The following GCNT2 variants were observed in gnomAD, a reference collection of about 807,000 sequenced individuals.
GCNT2 encodes the protein glucosaminyl (N-acetyl) transferase 2 (I blood group), also known as N-acetyllactosaminide beta-1,6-N-acetylglucosaminyl-transferase.
GCNT2 carries 34 observed loss-of-function variants against 34.2 expected under a neutral mutation model. That is an observed-to-expected ratio of 1.00 (90% CI 0.76 to 1.32). GCNT2 has a LOEUF of 1.32. Ranked by LOEUF, GCNT2 falls within the 40% of genes most tolerant of loss-of-function variation. The pLI, the probability that GCNT2 is intolerant of heterozygous loss-of-function variation, is 0.00. For synonymous variants in GCNT2, 212 were observed against 188.0 expected, an observed-to-expected ratio of 1.13 and a Z score of -1.04; for missense variants, 584 against 489.4, an observed-to-expected ratio of 1.19 and a Z score of -1.82.
chr6:10,611,095 C>G (rs892331352), intron 3 of GCNT2, among the ~76,000 whole-genome samples: 1 of 151,998 alleles, frequency 6.6e-6, no homozygotes, highest in African/African-American at 2.4e-5. Flanking sequence ...TGTTAAAAAT[C>G]CTAAATAGGC....
In GCNT2 at chr6:10,561,173, C is replaced by CT. The variant is rs374368271; in HGVS notation, c.925+31346dup. Among the ~76,000 whole-genome samples, 989 of 151,422 alleles carry CT rather than the reference C, an allele frequency of 6.5e-3. 4 individuals are homozygous for CT. Among genetic ancestry groups the CT allele is most frequent in the African/African-American group, 0.02 (826 of 41,300 alleles). On this transcript the variant is annotated intron_variant, in intron 3 of 4. Coordinates refer to ENST00000495262, the MANE Select transcript of GCNT2 (RefSeq NM_145649.5). Reference sequence around the variant, plus strand: ...TCTTTCAGAATTTTCTTTTCTTTTTCTTTTTTTTTGAGACAGAGTTTCACT... The same window carrying CT: ...TCTTTCAGAATTTTCTTTTCTTTTTCTTTTTTTTTTGAGACAGAGTTTCACT...
intron 1 of GCNT2, among the ~76,000 whole-genome samples, chr6:10,522,665 C>T (rs1461957656): frequency 6.6e-6 from 1 of 152,132 alleles, no homozygotes; most frequent in Non-Finnish European, 1.5e-5. Flanking sequence ...TCTTAGTGAT[C>T]AGAAGCTTGA....
At chr6:10,586,834 G>C (rs1764373403) in intron 3 of GCNT2, 1 of 1,613,654 alleles carries the variant, frequency 6.2e-7, no homozygotes, top group East Asian at 2.2e-5. Context: ...CGTGACCAAA[G>C]GGCCATTGAT....
chr6:10,526,931 T>G (rs1270166160), intron 1 of GCNT2, among the ~76,000 whole-genome samples: 2 of 151,810 alleles, frequency 1.3e-5, no homozygotes, highest in Non-Finnish European at 2.9e-5. Context: ...GGCAACACAG[T>G]AAGACCCCCA....
chr6:10,552,847 T>G (rs1192230964), intron 3 of GCNT2, among the ~76,000 whole-genome samples: 1 of 152,180 alleles, frequency 6.6e-6, no homozygotes, highest in African/African-American at 2.4e-5. Context: ...CCTGAGTCAT[T>G]TGACTTCTTC....
At chr6:10,621,494 G>A in intron 4 of GCNT2, 51 bp downstream of exon 4, 4 of 1,158,966 alleles carry the variant, frequency 3.5e-6, no homozygotes, top group Non-Finnish European at 5.2e-6. Flanking sequence ...GTGTTAGCAG[G>A]AAGGTAGCTG....
chr6:10,557,227 AAG>A (rs1234891594), intron 3 of GCNT2: 4 of 1,593,492 alleles, frequency 2.5e-6, no homozygotes, highest in East Asian at 2.2e-5. Context: ...TGGCTCTATC[AAG>A]AGAGTTTGCC....
At chr6:10,534,586 A>G (rs1761674061) in intron 3 of GCNT2, among the ~76,000 whole-genome samples, 1 of 152,132 alleles carries the variant, frequency 6.6e-6, no homozygotes, top group Non-Finnish European at 1.5e-5. Context: ...ACGTCTTTGC[A>G]GGCAGCTGCC....
intron 3 of GCNT2, among the ~76,000 whole-genome samples, chr6:10,548,198 C>T (rs897429989): frequency 6.6e-6 from 1 of 152,198 alleles, no homozygotes; most frequent in Non-Finnish European, 1.5e-5. Context: ...GCACTCCATG[C>T]ACTCCAGCCT....
At chr6:10,557,228 A>G in intron 3 of GCNT2, 1 of 1,593,660 alleles carries the variant, frequency 6.3e-7, no homozygotes, top group East Asian at 2.2e-5. Context: ...GGCTCTATCA[A>G]GAGAGTTTGC....
In GCNT2 at chr6:10,629,168, T is replaced by C. The variant is rs1766385271; in HGVS notation, c.*2561T>C. The C allele has an allele frequency of 6.6e-6, 1 of 152,658 alleles. No individual in the cohort carries two copies. The highest frequency in any genetic ancestry group is 1.5e-5 in the Non-Finnish European group (1 of 68,038). The allele number at this position is 152,658 out of a possible 1,614,324, so 9.5% of individuals were successfully genotyped here. ...GTTTCTCATGTAGAACAAGAAATCT[T>C]TCTGGAATTGATGTTTACATGTCTG... On this transcript the variant is annotated 3_prime_UTR_variant, in exon 5 of 5. Coordinates refer to ENST00000495262, the MANE Select transcript of GCNT2 (RefSeq NM_145649.5).
chr6:10,557,490 G>T lies in GCNT2; in HGVS notation c.925+27654G>T, dbSNP rs879028182. 525 of 660,170 alleles carry T rather than the reference G, an allele frequency of 8.0e-4. 7 individuals are homozygous for T. In the South Asian group the frequency reaches 9.0e-3, roughly 11 times the overall value. 40.9% of individuals were successfully genotyped at this position (660,170 alleles called of 1,614,324 possible). The stretch of plus-strand genomic sequence containing the variant: ...TAGTCCTTTCTAAATGCAGAAAGAT[G>T]TTCTTTTTTTTTTTTGAGACTGGAT... On this transcript the variant is annotated intron_variant, in intron 3 of 4. Coordinates refer to ENST00000495262, the MANE Select transcript of GCNT2 (RefSeq NM_145649.5).
At chr6:10,559,689 C>T (rs765207931) in intron 3 of GCNT2, among the ~76,000 whole-genome samples, 8 of 152,230 alleles carry the variant, frequency 5.3e-5, no homozygotes, top group Non-Finnish European at 8.8e-5. Flanking sequence ...GAATTAGAGG[C>T]GAGAGCTCCT....
At chr6:10,612,319 C>G (rs546291121) in intron 3 of GCNT2, among the ~76,000 whole-genome samples, 2 of 152,102 alleles carry the variant, frequency 1.3e-5, no homozygotes, top group Non-Finnish European at 2.9e-5. Flanking sequence ...ATCAATCATT[C>G]TTAACCAGGG....
intron 3 of GCNT2, among the ~76,000 whole-genome samples, chr6:10,574,130 T>C (rs1040907909): frequency 2.6e-5 from 4 of 152,236 alleles, no homozygotes; most frequent in Non-Finnish European, 5.9e-5. Flanking sequence ...GTCTCCATTC[T>C]GTAGAAGAAG....
chr6:10,534,563 C>G (rs1163913840), intron 3 of GCNT2, among the ~76,000 whole-genome samples: 3 of 152,174 alleles, frequency 2.0e-5, no homozygotes, highest in Non-Finnish European at 4.4e-5. Context: ...CACCACCTCT[C>G]AGGCTGCGGC....
chr6:10,530,744 AAAAC>A (rs1761447734), intron 3 of GCNT2, among the ~76,000 whole-genome samples: 1 of 151,996 alleles, frequency 6.6e-6, no homozygotes, highest in Admixed American at 6.6e-5. Flanking sequence ...AACAAACAAA[AAAAC>A]CTTATTGCAC....
chr6:10,594,704 G>C (rs1764779215), intron 3 of GCNT2, among the ~76,000 whole-genome samples: 1 of 152,180 alleles, frequency 6.6e-6, no homozygotes, highest in Non-Finnish European at 1.5e-5. Flanking sequence ...GATCCTCAAG[G>C]TGTTGAATAA....
intron 3 of GCNT2, among the ~76,000 whole-genome samples, chr6:10,543,935 G>C (rs1561789019): frequency 6.6e-6 from 1 of 152,122 alleles, no homozygotes; most frequent in Non-Finnish European, 1.5e-5. Flanking sequence ...ATTGAATTAA[G>C]GACACACTAT....
Sources: gnomAD v4.1 joint callset for allele counts (sites outside exome capture counted in the v4.1 genomes callset) on GRCh38, gnomAD v4.1.1 for gene constraint, MANE v1.5 for transcripts, NCBI Gene and HGNC (gene_info 2026-07-23, HGNC 2026-07-21) for gene names.